Variants in PCDHA7 observed in about 807,000 individuals in gnomAD.
The protein encoded by PCDHA7 is protocadherin alpha 7.
PCDHA7 carries 37 observed loss-of-function variants against 57.2 expected under a neutral mutation model. The ratio of observed to expected loss-of-function variants is 0.65; its 90% CI spans 0.50 to 0.85. The LOEUF is 0.85. Ranked by LOEUF, PCDHA7 falls within the 40% of genes least tolerant of loss-of-function variation. PCDHA7 has a pLI of 0.00. For missense variants in PCDHA7, 1,188 were observed against 1,241.8 expected (o/e 0.96, Z 0.65); for synonymous variants, 553 against 558.8 (o/e 0.99, Z 0.15).
At chr5:140,944,928 C>A (rs1554216614) in intron 1 of PCDHA7, among the ~76,000 whole-genome samples, 1 of 152,074 alleles carries the variant, frequency 6.6e-6, no homozygotes, top group Non-Finnish European at 1.5e-5. Flanking sequence ...TTGGTTTATG[C>A]CTTCTTTAGA....
intron 1 of PCDHA7, among the ~76,000 whole-genome samples, chr5:140,886,682 G>A (rs181377286): frequency 6.6e-6 from 1 of 151,618 alleles, no homozygotes. Context: ...AAAAATTAGC[G>A]AGGCATGGTG....
At chr5:140,993,830 A>G (rs536970854) in intron 3 of PCDHA7, among the ~76,000 whole-genome samples, 44 of 152,326 alleles carry the variant, frequency 2.9e-4, no homozygotes, top group Non-Finnish European at 5.0e-4. Context: ...GCTATACCAT[A>G]TAGCCTAGGT....
Position 141,011,328 on chromosome 5 carries a change from A to G in PCDHA7, c.*1391A>G, listed in dbSNP as rs1554263430. 2 of 153,726 alleles carry G rather than the reference A, an allele frequency of 1.3e-5. No homozygotes were observed. Among genetic ancestry groups the G allele is most frequent in the Admixed American group, 1.3e-4 (2 of 15,268 alleles). 9.5% of individuals were successfully genotyped at this position (153,726 alleles called of 1,614,324 possible). On this transcript the variant is annotated 3_prime_UTR_variant, in exon 4 of 4. Transcript: ENST00000525929. Reference sequence around the variant, plus strand: ...ATTGCTAATCTTACTAACACCTATGATGTTACCTGAAATCAATCTCCCATA... The same window carrying G: ...ATTGCTAATCTTACTAACACCTATGGTGTTACCTGAAATCAATCTCCCATA...
Position 140,850,315 on chromosome 5 carries a change from T to G in PCDHA7, c.2355+13577T>G, listed in dbSNP as rs2150479120. 2.9e-5 allele frequency: 47 copies of G among 1,597,110 alleles called. 5 individuals are homozygous for G. Among genetic ancestry groups the G allele is most frequent in the Non-Finnish European group, 3.9e-5 (45 of 1,167,642 alleles). On this transcript the variant is annotated intron_variant, in intron 1 of 3. Coordinates refer to ENST00000525929, the MANE Select transcript of PCDHA7 (RefSeq NM_018910.3). ...GCCGACTCGGGCTACAACGCGTGGC[T>G]TTCATACGAGCTGCAGCCAGAAACG... is the stretch of plus-strand genomic sequence containing the variant.
intron 1 of PCDHA7, among the ~76,000 whole-genome samples, chr5:140,949,947 A>G (rs1554219242): frequency 6.6e-6 from 1 of 151,676 alleles, no homozygotes; most frequent in African/African-American, 2.4e-5. Flanking sequence ...TGCATTTTTT[A>G]GTGGTTGCTG....
chr5:140,934,172 G>A (rs781789188), intron 1 of PCDHA7, among the ~76,000 whole-genome samples: 47 of 152,018 alleles, frequency 3.1e-4, no homozygotes, highest in Non-Finnish European at 6.6e-4. Flanking sequence ...TGCAACAGAA[G>A]TACTCTAAAC....
chr5:140,882,769 A>C, intron 1 of PCDHA7: 1 of 1,614,242 alleles, frequency 6.2e-7, no homozygotes, highest in Admixed American at 1.7e-5. Context: ...TAAACTCGGC[A>C]TTGACCTACC....
At chr5:140,920,989 A>C (rs1409702083) in intron 1 of PCDHA7, among the ~76,000 whole-genome samples, 1 of 151,756 alleles carries the variant, frequency 6.6e-6, no homozygotes, top group Non-Finnish European at 1.5e-5. Context: ...GTATTTGCTT[A>C]TTTTTTCAGA....
At chr5:140,924,901 A>AT (rs1554202312) in intron 1 of PCDHA7, among the ~76,000 whole-genome samples, 3 of 80,456 alleles carry the variant, frequency 3.7e-5, no homozygotes, top group African/African-American at 8.6e-5. Context: ...TCTCAAAAAA[A>AT]AAAATAAAAT....
intron 3 of PCDHA7, among the ~76,000 whole-genome samples, chr5:141,005,519 C>T (rs1374058521): frequency 1.3e-5 from 2 of 151,140 alleles, no homozygotes; most frequent in Middle Eastern, 3.2e-3. Context: ...CTGGCTAACA[C>T]GGTGAAACCC....
At chr5:140,926,362 C>G (rs1199629040) in intron 1 of PCDHA7, 4 of 152,268 alleles carry the variant, frequency 2.6e-5, no homozygotes, top group African/African-American at 9.7e-5. Context: ...TCCCAAAGGG[C>G]GGCAGGAAGA....
intron 1 of PCDHA7, among the ~76,000 whole-genome samples, chr5:140,873,728 T>A (rs1208346643): frequency 6.6e-6 from 1 of 152,190 alleles, no homozygotes; most frequent in African/African-American, 2.4e-5. Flanking sequence ...TGGCGCAATC[T>A]CAGCTCACTG....
intron 1 of PCDHA7, among the ~76,000 whole-genome samples, chr5:140,937,259 G>A (rs1306999153): frequency 1.3e-5 from 2 of 151,850 alleles, no homozygotes; most frequent in East Asian, 3.9e-4. Context: ...GGATGGTCTC[G>A]ATCTCCTGAC....
chr5:140,840,439 A>G (rs1776702337), intron 1 of PCDHA7, among the ~76,000 whole-genome samples: 1 of 151,972 alleles, frequency 6.6e-6, no homozygotes, highest in Non-Finnish European at 1.5e-5. Context: ...AAGCCGTGGA[A>G]ATAGAAACGT....
intron 1 of PCDHA7, among the ~76,000 whole-genome samples, chr5:140,840,213 T>C (rs1554137734): frequency 6.6e-6 from 1 of 152,020 alleles, no homozygotes; most frequent in Non-Finnish European, 1.5e-5. Flanking sequence ...GTCATAAAAA[T>C]ACATATGAGT....
chr5:140,967,779 C>G, intron 1 of PCDHA7: 1 of 1,614,222 alleles, frequency 6.2e-7, no homozygotes, highest in Non-Finnish European at 8.5e-7. Flanking sequence ...GTGCAGGCGA[C>G]TGACCGGGGT....
rs377029109 is a variant in PCDHA7, at chr5:141,002,346, C to G, written c.2504-7281C>G. On this transcript the variant is annotated intron_variant, in intron 3 of 3. Coordinates refer to ENST00000525929, the MANE Select transcript of PCDHA7 (RefSeq NM_018910.3). Reference sequence around the variant, plus strand: ...CGGGCTGCATCCGCACCCCTTCCCCCACCTCCACTCCTTTCAACTCATTCT... The same window carrying G: ...CGGGCTGCATCCGCACCCCTTCCCCGACCTCCACTCCTTTCAACTCATTCT... Among the ~76,000 whole-genome samples, 17 of 152,370 alleles carry G rather than the reference C, an allele frequency of 1.1e-4. No homozygotes were observed. The East Asian group carries it at 2.7e-3, about 24-fold the overall frequency.
At chr5:140,926,178 G>GC (rs1221259064) in intron 1 of PCDHA7, among the ~76,000 whole-genome samples, 2 of 151,700 alleles carry the variant, frequency 1.3e-5, no homozygotes, top group Non-Finnish European at 2.9e-5. Flanking sequence ...AGCGCGGAAA[G>GC]CCCCCCGCAG....
At chr5:140,852,838 C>A in intron 1 of PCDHA7, 1 of 968,954 alleles carries the variant, frequency 1.0e-6, no homozygotes, top group Non-Finnish European at 1.2e-6. Context: ...CTCCTTAGAG[C>A]TAGTACTTAC....
Sources: allele counts gnomAD v4.1 joint callset (sites outside exome capture counted in the v4.1 genomes callset), GRCh38; gene constraint gnomAD v4.1.1; transcripts MANE v1.5; gene names NCBI Gene and HGNC (gene_info 2026-07-23, HGNC 2026-07-21).